The following BAZ2B variants were observed in gnomAD, a reference collection of about 807,000 sequenced individuals.
BAZ2B encodes the protein bromodomain adjacent to zinc finger domain 2B.
A neutral mutation model predicts 246.0 loss-of-function variants in BAZ2B; 91 were observed. That is an observed-to-expected ratio of 0.37 (90% CI 0.31 to 0.44). The LOEUF (loss-of-function observed/expected upper bound fraction) is 0.44, where lower values mean the gene tolerates loss of function less well. BAZ2B is among the 20% of genes least tolerant of loss of function. The pLI is 1.00. For missense variants in BAZ2B, 2,332 were observed against 2,533.7 expected (o/e 0.92, Z 1.71); for synonymous variants, 855 against 860.0 (o/e 0.99, Z 0.10).
intron 31 of BAZ2B, among the ~76,000 whole-genome samples, chr2:159,341,315 A>G (rs1340046440): frequency 6.6e-6 from 1 of 152,244 alleles, no homozygotes; most frequent in African/African-American, 2.4e-5. Context: ...TAAAGGGATC[A>G]ATTCAACAAG....
In BAZ2B at chr2:159,382,641, T is replaced by C; in HGVS notation, c.3923A>G (p.Asp1308Gly). 6.3e-7 allele frequency: 1 copy of C among 1,584,984 alleles called. No individual in the cohort carries two copies. Among genetic ancestry groups the C allele is most frequent in the Non-Finnish European group, 8.6e-7 (1 of 1,162,770 alleles). The change falls in exon 25 of 37, where the codon GAT becomes GGT. Residue 1308 changes from aspartate (D) to glycine (G), a missense_variant. Asp to Gly is a moderately conservative substitution (Grantham distance 94). Transcript: ENST00000392783. ...CTCATCATCTTCATCCCCTTGGTCATCACTGTCATCGTCATCATCATCGTC... is the reference window on the plus strand; with the variant it reads ...CTCATCATCTTCATCCCCTTGGTCACCACTGTCATCGTCATCATCATCGTC... ...DYDDDDDDDS[D>G]DQGDEDDEDE... is the part of the protein sequence containing the mutation.
At chr2:159,573,574 A>T (rs945883314) in intron 1 of BAZ2B, among the ~76,000 whole-genome samples, 2 of 152,246 alleles carry the variant, frequency 1.3e-5, no homozygotes, top group Non-Finnish European at 2.9e-5. Flanking sequence ...AAGAAAATAA[A>T]GGCGTAAATC....
At chr2:159,462,768 A>C (rs999586209) in intron 3 of BAZ2B, 9 of 1,413,284 alleles carry the variant, frequency 6.4e-6, no homozygotes, top group Non-Finnish European at 9.0e-6. Context: ...TTAGGCTGAC[A>C]CTCATGGCTT....
the BAZ2B span, among the ~76,000 whole-genome samples, chr2:159,685,572 G>A: frequency 6.6e-6 from 1 of 152,092 alleles, no homozygotes; most frequent in African/African-American, 2.4e-5. Flanking sequence ...AAAGCATCTT[G>A]TAGTACCAGA....
chr2:159,316,474 G>A (rs372639529), downstream of BAZ2B, among the ~76,000 whole-genome samples: 2 of 151,650 alleles, frequency 1.3e-5, no homozygotes, highest in Non-Finnish European at 1.5e-5. Flanking sequence ...GGCAGATCAC[G>A]AGGTCAGGAG....
At chr2:159,624,595 G>A in the BAZ2B span, among the ~76,000 whole-genome samples, 1 of 152,188 alleles carries the variant, frequency 6.6e-6, no homozygotes, top group Admixed American at 6.5e-5. Context: ...AGAGGGGCCT[G>A]ACTGTTGGAA....
At chr2:159,460,843 A>G (rs920017446) in intron 3 of BAZ2B, 1 of 152,138 alleles carries the variant, frequency 6.6e-6, no homozygotes, top group Admixed American at 6.6e-5. Flanking sequence ...GTCTACAGTT[A>G]CTGGTGACAA....
At chr2:159,706,614 A>G in the BAZ2B span, among the ~76,000 whole-genome samples, 4 of 152,348 alleles carry the variant, frequency 2.6e-5, no homozygotes, top group Non-Finnish European at 5.9e-5. Flanking sequence ...TGCTAGTTCA[A>G]TTTGGTTTTA....
rs148565742 is a variant in BAZ2B at position 159,557,256 on chromosome 2, C to T, written c.-45-1391G>A. Among the ~76,000 whole-genome samples, 369 of 147,414 alleles carry T rather than the reference C, an allele frequency of 2.5e-3. 4 individuals carry two copies. The highest frequency in any genetic ancestry group is 8.7e-3 in the African/African-American group (351 of 40,206). ...TTTTTTTTGAGATACGGGGTCTCAC[C>T]ATGTTGCCCAGGCTGGTCTCAAACT... On this transcript the variant is annotated intron_variant, in intron 1 of 36. Transcript: ENST00000392783.
chr2:159,534,375 C>T (rs892214956), intron 2 of BAZ2B, among the ~76,000 whole-genome samples: 1 of 152,146 alleles, frequency 6.6e-6, no homozygotes, highest in Non-Finnish European at 1.5e-5. Flanking sequence ...CAAACCTGTA[C>T]AGCATGATAC....
chr2:159,413,275 A>G (rs10203098), intron 13 of BAZ2B, among the ~76,000 whole-genome samples: 46,108 of 152,192 alleles, frequency 0.3, 7,282 homozygotes, highest in South Asian at 0.46. Flanking sequence ...GGGAAATTCT[A>G]TAAATGACCT....
intron 13 of BAZ2B, among the ~76,000 whole-genome samples, chr2:159,426,965 A>C (rs1337165798): frequency 6.6e-6 from 1 of 152,172 alleles, no homozygotes; most frequent in East Asian, 1.9e-4. Context: ...TCAAGGAAGA[A>C]GGAAAATATC....
Position 159,463,457 on chromosome 2 carries a change from T to C in BAZ2B, c.146-9656A>G, listed in dbSNP as rs563720637. ...TTTTTAGTTTTTTGAGGAACCTCCATACTATTTTCTATAAAGGCTGTACTA... is the reference window on the plus strand; with the variant it reads ...TTTTTAGTTTTTTGAGGAACCTCCACACTATTTTCTATAAAGGCTGTACTA... On this transcript the variant is annotated intron_variant, in intron 3 of 36. Coordinates refer to ENST00000392783, the MANE Select transcript of BAZ2B (RefSeq NM_013450.4). 6 of 179,200 alleles carry C rather than the reference T, an allele frequency of 3.3e-5. No individual in the cohort carries two copies. In the South Asian group the frequency reaches 5.1e-4, roughly 15 times the overall value. 11.1% of individuals were successfully genotyped at this position (179,200 alleles called of 1,614,324 possible). A position where few individuals can be genotyped will look rare whatever the true frequency, so the allele number is the denominator to read the frequency against.
rs2062270253 is a variant in BAZ2B, at chr2:159,383,639, C to T, written c.3728G>A (p.Arg1243Lys). Residue 1243 changes from arginine to lysine, a missense_variant, in exon 24 of 37, where the codon AGA (arginine) becomes AAA (lysine). Arg to Lys is a conservative substitution (Grantham distance 26). This residue lies in a region of BAZ2B where 328 missense variants were observed against 410.4 expected (regional missense o/e 0.80). Coordinates refer to ENST00000392783, the MANE Select transcript of BAZ2B (RefSeq NM_013450.4). The part of the protein sequence containing the change: ...KNIDYMSNLR[R>K]DKWVVEGKLR... ...TTTACCTTCTACCACCCATTTATCT[C>T]TCCTCAAGTTTGACATATAATCAAT... The T allele has an allele frequency of 3.5e-5, 57 of 1,611,874 alleles. No homozygotes were observed. Among genetic ancestry groups the T allele is most frequent in the Non-Finnish European group, 4.7e-5 (55 of 1,178,824 alleles).
At position 159,438,674 on chromosome 2, in the gene BAZ2B, C is replaced by T; in HGVS notation, c.922G>A (p.Asp308Asn). The T allele has an allele frequency of 6.2e-7, 1 of 1,607,016 alleles. No homozygotes were observed. The highest frequency in any genetic ancestry group is 8.5e-7 in the Non-Finnish European group (1 of 1,178,244). The change falls in exon 8 of 37, where the codon GAC (aspartate) becomes AAC (asparagine). Residue 308 changes from aspartate (D) to asparagine (N), a missense_variant. By Grantham distance (23) the Asp-to-Asn change is conservative (BLOSUM62 1). This residue lies in a region of BAZ2B where 161 missense variants were observed against 225.8 expected (regional missense o/e 0.71). Coordinates refer to ENST00000392783, the MANE Select transcript of BAZ2B (RefSeq NM_013450.4). ...NNQVLLHGIS[D>N]PKADGQKATE... ...GCTTTCTGTCCATCTGCTTTTGGGT[C>T]TGAAATACCATGTAATAGCACCTAG...
At position 159,368,268 on chromosome 2, in the gene BAZ2B, G is replaced by A. The variant is rs560593517; in HGVS notation, c.4213+4777C>T. On this transcript the variant is annotated intron_variant, in intron 27 of 36. Transcript: ENST00000392783. ...AGGTCTTGCTACGTTGCCCAGGCTC[G>A]TTGTGAACTCTTGGGCTCAAGCAAT... Among the ~76,000 whole-genome samples, 11 of 152,214 alleles carry A rather than the reference G, an allele frequency of 7.2e-5. No individual in the cohort carries two copies. In the South Asian group the frequency reaches 1.5e-3, roughly 20 times the overall value.
chr2:159,702,816 G>A, the BAZ2B span, among the ~76,000 whole-genome samples: 1 of 152,012 alleles, frequency 6.6e-6, no homozygotes, highest in African/African-American at 2.4e-5. Context: ...CGAGGCGGGC[G>A]GATCATGAGG....
intron 10 of BAZ2B, among the ~76,000 whole-genome samples, chr2:159,430,626 G>C (rs567441961): frequency 6.6e-6 from 1 of 152,060 alleles, no homozygotes; most frequent in Admixed American, 6.6e-5. Context: ...AAGCAGAAAG[G>C]TTCAAAACCA....
the BAZ2B span, among the ~76,000 whole-genome samples, chr2:159,696,378 A>T: frequency 6.6e-6 from 1 of 151,866 alleles, no homozygotes; most frequent in Non-Finnish European, 1.5e-5. Flanking sequence ...AGGATCCTAA[A>T]TTTTTCCCTT....
Sources: allele counts gnomAD v4.1 joint callset (sites outside exome capture counted in the v4.1 genomes callset), GRCh38; gene constraint gnomAD v4.1.1; regional missense constraint gnomAD v4.1.1; transcripts MANE v1.5; gene names NCBI Gene and HGNC (gene_info 2026-07-23, HGNC 2026-07-21).